The following SPMAP2L variants were observed in gnomAD, a reference collection of about 807,000 sequenced individuals.
The protein encoded by SPMAP2L is sperm microtubule associated protein 2-like.
the SPMAP2L span, among the ~76,000 whole-genome samples, chr4:56,619,073 A>T: frequency 6.6e-6 from 1 of 152,198 alleles, no homozygotes; most frequent in African/African-American, 2.4e-5. Flanking sequence ...CCTAATTAGG[A>T]CACCATGCCT....
the SPMAP2L span, among the ~76,000 whole-genome samples, chr4:56,572,668 T>G: frequency 1.3e-5 from 2 of 152,350 alleles, no homozygotes; most frequent in Middle Eastern, 3.4e-3. Context: ...AAGTTTTGTA[T>G]ACTGAATATT....
the SPMAP2L span, among the ~76,000 whole-genome samples, chr4:56,605,506 G>A: frequency 1.3e-5 from 2 of 152,180 alleles, no homozygotes; most frequent in Non-Finnish European, 2.9e-5. Context: ...AGGAACAACT[G>A]GGTTGGATGC....
At chr4:56,561,105 C>A in the SPMAP2L span, among the ~76,000 whole-genome samples, 2 of 152,210 alleles carry the variant, frequency 1.3e-5, no homozygotes, top group Admixed American at 6.5e-5. Context: ...TATTTACAGG[C>A]TACAATCATT....
chr4:56,572,833 T>C, the SPMAP2L span, among the ~76,000 whole-genome samples: 1 of 152,096 alleles, frequency 6.6e-6, no homozygotes, highest in African/African-American at 2.4e-5. Flanking sequence ...CTGGCCAACA[T>C]GGCAAAACCC....
the SPMAP2L span, among the ~76,000 whole-genome samples, chr4:56,568,810 T>C: frequency 6.6e-6 from 1 of 152,242 alleles, no homozygotes; most frequent in Non-Finnish European, 1.5e-5. Flanking sequence ...AGTCAGTTCT[T>C]ACGCCCCTTC....
chr4:56,601,259 T>TA, the SPMAP2L span: 361 of 864,022 alleles, frequency 4.2e-4, no homozygotes, highest in African/African-American at 5.5e-3. Context: ...TTTATTGTGA[T>TA]ACATCTATGG....
the SPMAP2L span, among the ~76,000 whole-genome samples, chr4:56,620,113 T>C: frequency 6.6e-6 from 1 of 152,210 alleles, no homozygotes; most frequent in Non-Finnish European, 1.5e-5. Context: ...CTGTAAATCC[T>C]GCATGGGAAA....
chr4:56,607,645 A>G, the SPMAP2L span, among the ~76,000 whole-genome samples: 33 of 152,230 alleles, frequency 2.2e-4, no homozygotes, highest in African/African-American at 7.5e-4. Context: ...GAAACCTTCA[A>G]TCTTCTTAGA....
the SPMAP2L span, among the ~76,000 whole-genome samples, chr4:56,619,387 G>A: frequency 2.6e-5 from 4 of 152,136 alleles, no homozygotes; most frequent in South Asian, 2.1e-4. Context: ...TGTTAGTACC[G>A]TTCCATTTCT....
the SPMAP2L span, chr4:56,600,977 T>C: frequency 6.5e-7 from 1 of 1,535,422 alleles, no homozygotes; most frequent in Non-Finnish European, 8.7e-7. Flanking sequence ...CCCCGAACAA[T>C]AGCTCTAGCG....
chr4:56,535,967 C>T, the SPMAP2L span, among the ~76,000 whole-genome samples: 2 of 152,224 alleles, frequency 1.3e-5, no homozygotes, highest in Non-Finnish European at 2.9e-5. Flanking sequence ...TAGTTAGATT[C>T]TCATAAGGAC....
the SPMAP2L span, among the ~76,000 whole-genome samples, chr4:56,553,713 G>A: frequency 3.3e-5 from 5 of 150,464 alleles, no homozygotes; most frequent in Admixed American, 6.6e-5. Flanking sequence ...TTACATTAAG[G>A]TTCACTTTTT....
the SPMAP2L span, among the ~76,000 whole-genome samples, chr4:56,559,108 A>T: frequency 6.6e-6 from 1 of 151,718 alleles, no homozygotes; most frequent in Non-Finnish European, 1.5e-5. Flanking sequence ...TAATTTTTGT[A>T]GTTTTAGTAG....
chr4:56,538,223 A>T, the SPMAP2L span, among the ~76,000 whole-genome samples: 3 of 152,090 alleles, frequency 2.0e-5, no homozygotes, highest in Non-Finnish European at 4.4e-5. Flanking sequence ...ACTCGCCCTC[A>T]TGCTCACTTG....
At chr4:56,605,815 C>A in the SPMAP2L span, among the ~76,000 whole-genome samples, 33 of 152,198 alleles carry the variant, frequency 2.2e-4, no homozygotes, top group South Asian at 1.0e-3. Context: ...CAAGAGATAA[C>A]AACATAAAAC....
chr4:56,544,610 C>T, the SPMAP2L span, among the ~76,000 whole-genome samples: 21 of 152,136 alleles, frequency 1.4e-4, no homozygotes, highest in Non-Finnish European at 2.4e-4. Flanking sequence ...AGACCTCATC[C>T]GAGAGATTTT....
chr4:56,547,931 G>A, the SPMAP2L span, among the ~76,000 whole-genome samples: 16 of 152,160 alleles, frequency 1.1e-4, no homozygotes, highest in Admixed American at 8.5e-4. Context: ...ATTTCCCACT[G>A]TTAAAGATAC....
chr4:56,546,766 C>A, the SPMAP2L span, among the ~76,000 whole-genome samples: 1 of 152,102 alleles, frequency 6.6e-6, no homozygotes, highest in African/African-American at 2.4e-5. Context: ...ACTCTCTAAC[C>A]TGTGTCAGGT....
chr4:56,605,464 C>T, the SPMAP2L span, among the ~76,000 whole-genome samples: 20 of 152,170 alleles, frequency 1.3e-4, no homozygotes, highest in Admixed American at 4.6e-4. Flanking sequence ...ACTTTGATCC[C>T]ATGGGAAAGT....
Sources: gnomAD v4.1 joint callset for allele counts (sites outside exome capture counted in the v4.1 genomes callset) on GRCh38, gnomAD v4.1.1 for gene constraint, MANE v1.5 for transcripts, NCBI Gene and HGNC (gene_info 2026-07-23, HGNC 2026-07-21) for gene names.